Variants in SYT16 observed in about 807,000 individuals in gnomAD.
SYT16 encodes synaptotagmin 16, also known as synaptotagmin-16.
A neutral mutation model predicts 61.4 loss-of-function variants in SYT16; 42 were observed. The observed-to-expected ratio is 0.68, with a 90% CI of 0.53 to 0.89. The LOEUF (loss-of-function observed/expected upper bound fraction) is 0.89, where lower values mean the gene tolerates loss of function less well. Ranked by LOEUF, SYT16 falls within the 40% of genes least tolerant of loss-of-function variation. The pLI, the probability that SYT16 is intolerant of heterozygous loss-of-function variation, is 0.00. For missense variants in SYT16, 804 were observed against 807.3 expected (o/e 1.00, Z 0.05); for synonymous variants, 314 against 302.3 (o/e 1.04, Z -0.40).
chr14:61,814,411 T>G (rs2045363544), intron 1 of SYT16, among the ~76,000 whole-genome samples: 1 of 152,222 alleles, frequency 6.6e-6, no homozygotes, highest in Admixed American at 6.5e-5. Context: ...TCAAAGTATC[T>G]ACCAGCAACT....
intron 2 of SYT16, among the ~76,000 whole-genome samples, chr14:61,986,480 C>T (rs1595085995): frequency 6.6e-6 from 1 of 150,400 alleles, no homozygotes; most frequent in African/African-American, 2.4e-5. Context: ...ACTTTAAGTT[C>T]TAGGGTACAT....
chr14:61,838,728 C>G (rs2046208606), intron 1 of SYT16, among the ~76,000 whole-genome samples: 1 of 152,260 alleles, frequency 6.6e-6, no homozygotes, highest in Middle Eastern at 3.4e-3. Context: ...GAGTGTGACT[C>G]TTGCTAAGGA....
At chr14:62,051,269 C>T (rs2055278666) in intron 3 of SYT16, among the ~76,000 whole-genome samples, 1 of 152,254 alleles carries the variant, frequency 6.6e-6, no homozygotes, top group Non-Finnish European at 1.5e-5. Flanking sequence ...ACCCTCCGAG[C>T]CATGTGCGGG....
intron 1 of SYT16, among the ~76,000 whole-genome samples, chr14:61,875,790 T>C (rs1339859271): frequency 1.3e-5 from 2 of 152,216 alleles, no homozygotes; most frequent in Non-Finnish European, 2.9e-5. Context: ...TCTGTATTCC[T>C]TATGGCATCT....
At chr14:62,070,944 G>A (rs2056275517) in intron 4 of SYT16, among the ~76,000 whole-genome samples, 1 of 152,084 alleles carries the variant, frequency 6.6e-6, no homozygotes. Flanking sequence ...TTCAGGATGA[G>A]CACAGGACAA....
At chr14:61,812,521 G>A (rs2045299452), upstream of SYT16, among the ~76,000 whole-genome samples, 3 of 151,352 alleles carry the variant, frequency 2.0e-5, no homozygotes, top group Admixed American at 2.0e-4. Context: ...CGGACGCGGC[G>A]AGGCGAGGAG....
chr14:61,997,952 C>A (rs1380394265), intron 3 of SYT16, among the ~76,000 whole-genome samples: 4 of 151,936 alleles, frequency 2.6e-5, no homozygotes, highest in Admixed American at 6.6e-5. Context: ...GCCATAGATT[C>A]ATCTCTGTTT....
chr14:61,893,936 A>G (rs1177252469), intron 1 of SYT16, among the ~76,000 whole-genome samples: 3 of 152,156 alleles, frequency 2.0e-5, no homozygotes, highest in Non-Finnish European at 4.4e-5. Context: ...ACCTCAACAC[A>G]TCAAAACCTG....
At chr14:62,067,834 A>G (rs2056125425) in intron 3 of SYT16, among the ~76,000 whole-genome samples, 1 of 152,058 alleles carries the variant, frequency 6.6e-6, no homozygotes, top group African/African-American at 2.4e-5. Flanking sequence ...CAAATAAATA[A>G]ATAAAGCTGG....
At chr14:61,983,580 C>A (rs1444039643) in intron 2 of SYT16, among the ~76,000 whole-genome samples, 1 of 152,086 alleles carries the variant, frequency 6.6e-6, no homozygotes, top group Admixed American at 6.6e-5. Context: ...GGCTGGAGTG[C>A]AGTGGTGTGA....
intron 1 of SYT16, among the ~76,000 whole-genome samples, chr14:61,945,339 G>A (rs1394438415): frequency 6.6e-6 from 1 of 152,174 alleles, no homozygotes; most frequent in Non-Finnish European, 1.5e-5. Flanking sequence ...ATTCCTCAAG[G>A]ATCTAGAACC....
chr14:61,950,331 T>C (rs1420788482), intron 1 of SYT16, among the ~76,000 whole-genome samples: 1 of 138,388 alleles, frequency 7.2e-6, no homozygotes, highest in Non-Finnish European at 1.6e-5. Flanking sequence ...AAGGACTCTT[T>C]TAGATGGGCC....
chr14:61,939,623 T>A (rs2140446440), intron 1 of SYT16, among the ~76,000 whole-genome samples: 1 of 152,310 alleles, frequency 6.6e-6, no homozygotes, highest in Admixed American at 6.5e-5. Context: ...GCCAGTCGTG[T>A]TGGATCTGGG....
At chr14:62,011,868 T>TACACACAC (rs1491125020) in intron 3 of SYT16, among the ~76,000 whole-genome samples, 26 of 62,176 alleles carry the variant, frequency 4.2e-4, no homozygotes, top group East Asian at 1.3e-3. Context: ...CAGGGAACAC[T>TACACACAC]ATATATACAC....
intron 1 of SYT16, among the ~76,000 whole-genome samples, chr14:61,958,844 G>A (rs912840637): frequency 6.6e-6 from 1 of 151,960 alleles, no homozygotes; most frequent in Non-Finnish European, 1.5e-5. Context: ...ATAGAGAGTA[G>A]GATATTGACG....
intron 3 of SYT16, among the ~76,000 whole-genome samples, chr14:62,037,485 A>T (rs1241705413): frequency 1.3e-5 from 2 of 152,212 alleles, no homozygotes; most frequent in African/African-American, 4.8e-5. Context: ...ATGCAGGTGC[A>T]CAAACCTTTA....
intron 1 of SYT16, among the ~76,000 whole-genome samples, chr14:61,907,860 T>G (rs1594886551): frequency 6.6e-6 from 1 of 152,210 alleles, no homozygotes; most frequent in East Asian, 1.9e-4. Context: ...TTTTTTTAAC[T>G]CTTAGAAATA....
chr14:62,082,891 T>C (rs1431594379), intron 6 of SYT16, among the ~76,000 whole-genome samples: 1 of 152,264 alleles, frequency 6.6e-6, no homozygotes, highest in Non-Finnish European at 1.5e-5. Flanking sequence ...AGCACAGTTA[T>C]GTGCCAGACA....
intron 7 of SYT16, among the ~76,000 whole-genome samples, chr14:62,087,732 CTAAG>C (rs922544620): frequency 6.6e-6 from 1 of 151,966 alleles, no homozygotes; most frequent in African/African-American, 2.4e-5. Context: ...ACTTTTCCTC[CTAAG>C]TAAGACAGAG....
Sources: allele counts gnomAD v4.1 joint callset (sites outside exome capture counted in the v4.1 genomes callset), GRCh38; gene constraint gnomAD v4.1.1; transcripts MANE v1.5; gene names NCBI Gene and HGNC (gene_info 2026-07-23, HGNC 2026-07-21).